Variants in WDR7 observed in about 807,000 individuals in gnomAD.
The protein encoded by WDR7 is WD repeat domain 7.
In WDR7, 46 loss-of-function variants were observed where a neutral mutation model predicts 169.4. The ratio of observed to expected loss-of-function variants is 0.27; its 90% CI spans 0.21 to 0.35. WDR7 has a LOEUF of 0.35. Among genes scored for constraint, WDR7 ranks in the 10% least tolerant of loss-of-function variants. The probability of loss-of-function intolerance (pLI) is 1.00; values close to 1 mark genes in which losing one functional copy is unlikely to be tolerated. For synonymous variants in WDR7, 612 were observed against 666.8 expected, an observed-to-expected ratio of 0.92 and a Z score of 1.27; for missense variants, 1,534 against 1,859.3, an observed-to-expected ratio of 0.83 and a Z score of 3.22.
chr18:56,787,477 T>C (rs1396661621), intron 19 of WDR7, among the ~76,000 whole-genome samples: 1 of 152,218 alleles, frequency 6.6e-6, no homozygotes, highest in Non-Finnish European at 1.5e-5. Flanking sequence ...TCTCAGATAT[T>C]GATAGAAGGA....
chr18:56,994,501 TA>T (rs1568304906), intron 26 of WDR7, among the ~76,000 whole-genome samples: 1 of 152,262 alleles, frequency 6.6e-6, no homozygotes, highest in East Asian at 1.9e-4. Flanking sequence ...CTCATCTTTT[TA>T]AAAAAAAGAG....
At chr18:56,932,874 G>GGTGT (rs34838445) in intron 22 of WDR7, among the ~76,000 whole-genome samples, 1,701 of 131,974 alleles carry the variant, frequency 0.013, 20 homozygotes, top group African/African-American at 0.045. Flanking sequence ...CTTCATTCTG[G>GGTGT]GTGTGTGTGT....
At position 56,957,041 on chromosome 18, in the gene WDR7, C is replaced by T. The variant is rs189570045; in HGVS notation, c.4065-5389C>T. Reference sequence around the variant, plus strand: ...TGATGCAGCTTTGGTGACTATCCTACAAAAATACCTAGGTATACAAGGATC... The same window carrying T: ...TGATGCAGCTTTGGTGACTATCCTATAAAAATACCTAGGTATACAAGGATC... On this transcript the variant is annotated intron_variant, in intron 25 of 27. Coordinates refer to ENST00000254442, the MANE Select transcript of WDR7 (RefSeq NM_015285.3). Among the ~76,000 whole-genome samples, 976 of 152,212 alleles carry T rather than the reference C, an allele frequency of 6.4e-3. 5 individuals are homozygous for T. Among genetic ancestry groups the T allele is most frequent in the Non-Finnish European group, 0.011 (775 of 68,004 alleles).
chr18:56,715,557 G>C (rs1313375940), intron 12 of WDR7, among the ~76,000 whole-genome samples: 1 of 152,144 alleles, frequency 6.6e-6, no homozygotes, highest in Non-Finnish European at 1.5e-5. Context: ...TCAGTGGCCA[G>C]GCGCGGTGGT....
intron 26 of WDR7, among the ~76,000 whole-genome samples, chr18:57,000,931 C>A (rs2047967305): frequency 6.6e-6 from 1 of 151,832 alleles, no homozygotes; most frequent in Non-Finnish European, 1.5e-5. Flanking sequence ...AATGTAGGGC[C>A]ATGTATAGTG....
At chr18:56,807,572 C>T (rs1436609290) in intron 19 of WDR7, among the ~76,000 whole-genome samples, 1 of 151,878 alleles carries the variant, frequency 6.6e-6, no homozygotes, top group Non-Finnish European at 1.5e-5. Context: ...TGATACAGTA[C>T]ACTTCCTGTT....
chr18:56,973,165 C>T (rs960540735), intron 26 of WDR7, among the ~76,000 whole-genome samples: 3 of 152,200 alleles, frequency 2.0e-5, no homozygotes, highest in Non-Finnish European at 4.4e-5. Context: ...CGCGAGCCAC[C>T]GCGCCCGGCC....
At chr18:56,748,765 G>T (rs2043742771) in intron 14 of WDR7, among the ~76,000 whole-genome samples, 2 of 152,024 alleles carry the variant, frequency 1.3e-5, no homozygotes, top group South Asian at 4.2e-4. Flanking sequence ...ATGAATAATA[G>T]TATATATTGT....
intron 26 of WDR7, among the ~76,000 whole-genome samples, chr18:57,019,840 A>G (rs2048261992): frequency 6.6e-6 from 1 of 152,146 alleles, no homozygotes; most frequent in African/African-American, 2.4e-5. Context: ...CACATTTCCT[A>G]TTCCTTTCTA....
chr18:56,830,509 C>T (rs181431263), intron 20 of WDR7, among the ~76,000 whole-genome samples: 64 of 152,292 alleles, frequency 4.2e-4, no homozygotes, highest in Middle Eastern at 3.4e-3. Context: ...AAGAAAATTC[C>T]GGCCATACAG....
intron 16 of WDR7, among the ~76,000 whole-genome samples, chr18:56,760,576 G>C (rs1384810348): frequency 6.6e-6 from 1 of 151,656 alleles, no homozygotes; most frequent in East Asian, 1.9e-4. Flanking sequence ...CTCTTTTTTT[G>C]GTCATTAGAC....
chr18:57,012,203 A>G (rs902866186), intron 26 of WDR7, among the ~76,000 whole-genome samples: 1 of 152,180 alleles, frequency 6.6e-6, no homozygotes, highest in Non-Finnish European at 1.5e-5. Flanking sequence ...GTGTTTCTTC[A>G]TCCTCACTGT....
chr18:56,681,176 A>G, intron 3 of WDR7, 137 bp from the exon 4 acceptor site: 1 of 669,610 alleles, frequency 1.5e-6, no homozygotes. Flanking sequence ...AATTTTGATG[A>G]ACAACAGTAA....
chr18:56,712,269 G>T (rs2026103702), intron 12 of WDR7, among the ~76,000 whole-genome samples: 1 of 152,116 alleles, frequency 6.6e-6, no homozygotes, highest in Admixed American at 6.5e-5. Context: ...AGGTTTCTGG[G>T]AATGGTTTAA....
At chr18:56,746,876 T>C (rs541756261) in intron 14 of WDR7, among the ~76,000 whole-genome samples, 1 of 152,334 alleles carries the variant, frequency 6.6e-6, no homozygotes, top group African/African-American at 2.4e-5. Context: ...TAGATGCTAT[T>C]AGCACCCTTC....
At chr18:56,820,923 A>G (rs1023444750) in intron 20 of WDR7, among the ~76,000 whole-genome samples, 4 of 152,192 alleles carry the variant, frequency 2.6e-5, no homozygotes, top group Non-Finnish European at 5.9e-5. Flanking sequence ...AAAACATATG[A>G]TTTGACCTTT....
chr18:56,984,277 A>G (rs2047684080), intron 26 of WDR7, among the ~76,000 whole-genome samples: 1 of 152,204 alleles, frequency 6.6e-6, no homozygotes, highest in Non-Finnish European at 1.5e-5. Flanking sequence ...CCTACCCATA[A>G]ATTTTTACTG....
intron 14 of WDR7, among the ~76,000 whole-genome samples, chr18:56,746,742 T>C (rs771382002): frequency 6.6e-6 from 1 of 152,212 alleles, no homozygotes; most frequent in Non-Finnish European, 1.5e-5. Flanking sequence ...ATGTATTTGT[T>C]TCCATCTCTA....
At chr18:56,677,182 C>T (rs1028894705) in intron 2 of WDR7, among the ~76,000 whole-genome samples, 1 of 152,114 alleles carries the variant, frequency 6.6e-6, no homozygotes, top group Non-Finnish European at 1.5e-5. Context: ...TTGATGAAAT[C>T]CCTTGGCTTT....
Sources: gnomAD v4.1 joint callset for allele counts (sites outside exome capture counted in the v4.1 genomes callset) on GRCh38, gnomAD v4.1.1 for gene constraint, MANE v1.5 for transcripts, NCBI Gene and HGNC (gene_info 2026-07-23, HGNC 2026-07-21) for gene names.